HK2: variants seen among roughly 807,000 people sequenced by gnomAD.
HK2 encodes the protein hexokinase-2.
HK2 carries 42 observed loss-of-function variants against 92.9 expected under a neutral mutation model. That is an observed-to-expected ratio of 0.45 (90% CI 0.35 to 0.58). The LOEUF (loss-of-function observed/expected upper bound fraction) is 0.58. HK2 is among the 20% of genes least tolerant of loss of function. HK2 has a pLI of 0.00. For synonymous variants in HK2, 422 were observed against 468.0 expected, an observed-to-expected ratio of 0.90 and a Z score of 1.27; for missense variants, 978 against 1,245.1, an observed-to-expected ratio of 0.79 and a Z score of 3.23.
chr2:74,834,485 C>T lies in HK2; in HGVS notation c.-96C>T. 2 of 1,276,246 alleles carry T rather than the reference C, an allele frequency of 1.6e-6. No homozygotes were observed. Among genetic ancestry groups the T allele is most frequent in the Non-Finnish European group, 1.1e-6 (1 of 881,952 alleles). 79.1% of individuals were successfully genotyped at this position (1,276,246 alleles called of 1,614,324 possible). ...GACTCCCAGCTCCCGGCCCGGCAGC[C>T]GAGCCCCAGCACAAAGCAGTCGGAC... On this transcript the variant is annotated 5_prime_UTR_variant, in exon 1 of 18. Coordinates refer to ENST00000290573, the MANE Select transcript of HK2 (RefSeq NM_000189.5). The surrounding 1 kb of genome is among the most constrained non-coding windows in gnomAD (Gnocchi z 4.2).
At chr2:74,856,248 A>C (rs548173924) in intron 2 of HK2, among the ~76,000 whole-genome samples, 1 of 152,252 alleles carries the variant, frequency 6.6e-6, no homozygotes, top group African/African-American at 2.4e-5. Flanking sequence ...CATCTCCCTA[A>C]GTGCCTCTAG....
Position 74,892,310 on chromosome 2 carries a change from C to T in HK2, c.*1369C>T, listed in dbSNP as rs1689700448. ...AGAACAATTAAACAGCCAAATAAAA[C>T]CTCAGGGACAACATTTTTGGTGTAT... On this transcript the variant is annotated 3_prime_UTR_variant, in exon 18 of 18. Coordinates refer to ENST00000290573, the MANE Select transcript of HK2 (RefSeq NM_000189.5). 6.6e-6 allele frequency: 1 copy of T among 152,136 alleles called. No homozygotes were observed. The allele number at this position is 152,136 out of a possible 1,614,324, so 9.4% of individuals were successfully genotyped here. A position where few individuals can be genotyped will look rare whatever the true frequency, so the allele number is the denominator to read the frequency against.
Position 74,874,370 on chromosome 2 carries a change from G to A in HK2, c.796G>A (p.Asp266Asn), listed in dbSNP as rs1186950290. The A allele has an allele frequency of 1.2e-6, 2 of 1,614,064 alleles. No homozygotes were observed. Among genetic ancestry groups the A allele is most frequent in the South Asian group, 2.2e-5 (2 of 91,048 alleles). Residue 266 changes from aspartate (D) to asparagine (N), a missense_variant, in exon 7 of 18, where the codon GAC becomes AAC. By Grantham distance (23) the Asp-to-Asn change is conservative (BLOSUM62 1). Coordinates refer to ENST00000290573, the MANE Select transcript of HK2 (RefSeq NM_000189.5). ...CINMEWGAFG[D>N]DGSLNDIRTE... ...CAATATGGAGTGGGGGGCCTTCGGG[G>A]ACGATGGCTCGCTCAACGACATTCG...
At position 74,887,898 on chromosome 2, in the gene HK2, T is replaced by C. The variant is rs1203882815; in HGVS notation, c.2220-5T>C. ...TAACCTCCATGAATGTTACTTGCAT[T>C]GCAGGTTCGAGAAAATGATCAGTGG... On this transcript the variant is annotated splice_polypyrimidine_tract_variant and splice_region_variant and intron_variant, in intron 15 of 17. Coordinates refer to ENST00000290573, the MANE Select transcript of HK2 (RefSeq NM_000189.5). The C allele has an allele frequency of 6.2e-7, 1 of 1,613,488 alleles. No homozygotes were observed. Among genetic ancestry groups the C allele is most frequent in the East Asian group, 2.2e-5 (1 of 44,856 alleles).
At chr2:74,882,917 T>C (rs1188365740) in intron 12 of HK2, among the ~76,000 whole-genome samples, 6 of 151,904 alleles carry the variant, frequency 3.9e-5, no homozygotes, top group African/African-American at 1.5e-4. Flanking sequence ...CATATCCTGT[T>C]GTTTGGATGC....
intron 2 of HK2, among the ~76,000 whole-genome samples, chr2:74,862,367 C>T (rs943072482): frequency 1.3e-5 from 2 of 152,240 alleles, no homozygotes; most frequent in Admixed American, 1.3e-4. Flanking sequence ...CCTAGCTGTT[C>T]AGCTCATTCA....
chr2:74,865,248 C>T (rs2103926904), intron 2 of HK2, among the ~76,000 whole-genome samples: 1 of 152,076 alleles, frequency 6.6e-6, no homozygotes, highest in Non-Finnish European at 1.5e-5. Flanking sequence ...GAGAGGACCT[C>T]CTTCCTGGGA....
At chr2:74,878,044 G>A (rs1204714259) in intron 8 of HK2, among the ~76,000 whole-genome samples, 2 of 152,162 alleles carry the variant, frequency 1.3e-5, no homozygotes, top group Non-Finnish European at 2.9e-5. Flanking sequence ...GGGCCTACTT[G>A]TTGCTATACC....
intron 1 of HK2, among the ~76,000 whole-genome samples, chr2:74,844,928 A>T (rs775304899): frequency 5.3e-5 from 8 of 152,196 alleles, no homozygotes; most frequent in East Asian, 1.9e-4. Context: ...AACTATAACA[A>T]AGGTTTCTTG....
At chr2:74,852,474 G>T (rs758631295) in intron 1 of HK2, among the ~76,000 whole-genome samples, 4 of 152,110 alleles carry the variant, frequency 2.6e-5, no homozygotes, top group Non-Finnish European at 5.9e-5. Flanking sequence ...TCCTCCTGGG[G>T]AGCCTCAAAT....
chr2:74,868,369 C>T (rs1045812403), intron 3 of HK2, among the ~76,000 whole-genome samples: 3 of 152,054 alleles, frequency 2.0e-5, no homozygotes, highest in African/African-American at 7.2e-5. Context: ...CACTCCTATG[C>T]CTGCACCAAG....
At chr2:74,837,129 A>T (rs1045954972) in intron 1 of HK2, among the ~76,000 whole-genome samples, 1 of 152,230 alleles carries the variant, frequency 6.6e-6, no homozygotes, top group South Asian at 2.1e-4. Flanking sequence ...TTAACATTCA[A>T]ATCAGCCCCA....
Position 74,834,525 on chromosome 2 carries a change from C to A in HK2, c.-56C>A. On this transcript the variant is annotated 5_prime_UTR_variant, in exon 1 of 18. Transcript: ENST00000290573. This position sits in a 1 kb window ranked among gnomAD's most constrained non-coding sequence, Gnocchi z 4.2. ...AGCAGTCGGACCGCGCCGCCCGCCT[C>A]CCCTCTCGCGTCTCCGCCTCGGTTT... is the stretch of plus-strand genomic sequence containing the variant. 6.4e-7 allele frequency: 1 copy of A among 1,572,186 alleles called. No individual in the cohort carries two copies. The highest frequency in any genetic ancestry group is 1.7e-5 in the Admixed American group (1 of 59,930).
intron 2 of HK2, among the ~76,000 whole-genome samples, chr2:74,855,074 G>A (rs750818768): frequency 1.3e-5 from 2 of 152,150 alleles, no homozygotes; most frequent in East Asian, 1.9e-4. Flanking sequence ...TCGGCTCACC[G>A]CAACCTCCGC....
intron 9 of HK2, among the ~76,000 whole-genome samples, chr2:74,879,529 G>C (rs983433550): frequency 6.6e-6 from 1 of 152,180 alleles, no homozygotes; most frequent in African/African-American, 2.4e-5. Context: ...TTCCTACCCA[G>C]TGTTGCAAAA....
chr2:74,877,287 C>A lies in HK2; in HGVS notation c.997C>A (p.Arg333Ser). The A allele has an allele frequency of 6.2e-7, 1 of 1,614,146 alleles. No individual in the cohort carries two copies. The highest frequency in any genetic ancestry group is 1.1e-5 in the South Asian group (1 of 91,060). Reference sequence around the variant, plus strand: ...CAGCCCAGAGCTTCTCAACACCGGTCGCTTTGAGACCAAAGACATCTCAGA... The same window carrying A: ...CAGCCCAGAGCTTCTCAACACCGGTAGCTTTGAGACCAAAGACATCTCAGA... Reference protein sequence around the residue: ...KLSPELLNTGRFETKDISDIE... With the variant: ...KLSPELLNTGSFETKDISDIE... The change falls in exon 8 of 18, where the codon CGC becomes AGC. Residue 333 changes from arginine (R) to serine (S), a missense_variant. Arg to Ser is a moderately radical substitution (Grantham distance 110). Around this residue, in one of 3 missense-constraint regions of HK2, gnomAD observed 742 missense variants for 922.5 expected, o/e 0.80. Coordinates refer to ENST00000290573, the MANE Select transcript of HK2 (RefSeq NM_000189.5).
At chr2:74,855,215 G>A (rs1441761802) in intron 2 of HK2, among the ~76,000 whole-genome samples, 4 of 152,058 alleles carry the variant, frequency 2.6e-5, no homozygotes, top group South Asian at 2.1e-4. Context: ...GGTTGGTCTC[G>A]AACTCCTGAC....
At position 74,889,307 on chromosome 2, in the gene HK2, G is replaced by A. The variant is rs1038652002; in HGVS notation, c.2438G>A (p.Cys813Tyr). ...ILQHLGLEST[C>Y]DDSIIVKEVC... ...CAACACTTAGGGCTTGAGAGCACCT[G>A]TGACGACAGCATCATTGTTAAGGAG... Residue 813 changes from cysteine (C) to tyrosine (Y), a missense_variant, in exon 17 of 18, where the codon TGT (cysteine) becomes TAT (tyrosine). Transcript: ENST00000290573. 6.2e-7 allele frequency: 1 copy of A among 1,614,248 alleles called. No homozygotes were observed.
chr2:74,839,489 C>G (rs779961711), intron 1 of HK2, among the ~76,000 whole-genome samples: 5 of 152,144 alleles, frequency 3.3e-5, no homozygotes, highest in Non-Finnish European at 5.9e-5. Flanking sequence ...TAACCTAACT[C>G]TGTCCCTTTC....
Sources: allele counts gnomAD v4.1 joint callset (sites outside exome capture counted in the v4.1 genomes callset), GRCh38; gene constraint gnomAD v4.1.1; regional missense constraint gnomAD v4.1.1; non-coding constraint Gnocchi (gnomAD v3.1); transcripts MANE v1.5; gene names NCBI Gene and HGNC (gene_info 2026-07-23, HGNC 2026-07-21).